SCHIP1: variants seen among roughly 807,000 people sequenced by gnomAD.
The protein encoded by SCHIP1 is schwannomin interacting protein 1.
In SCHIP1, 8 loss-of-function variants were observed where a neutral mutation model predicts 29.7. The observed-to-expected ratio is 0.27, with a 90% CI of 0.16 to 0.49. The LOEUF (loss-of-function observed/expected upper bound fraction) is 0.49. SCHIP1 is among the 20% of genes least tolerant of loss of function. The pLI is 0.99. For synonymous variants in SCHIP1, 76 were observed against 94.9 expected (o/e 0.80, Z 1.16); for missense variants, 193 against 294.6 (o/e 0.66, Z 2.52).
chr3:159,458,368 A>G, the SCHIP1 span, among the ~76,000 whole-genome samples: 2 of 152,170 alleles, frequency 1.3e-5, no homozygotes, highest in Non-Finnish European at 1.5e-5. Context: ...GTTTAACTAC[A>G]TCTCCCAAAA....
chr3:159,571,831 A>G, the SCHIP1 span, among the ~76,000 whole-genome samples: 2 of 152,290 alleles, frequency 1.3e-5, no homozygotes, highest in East Asian at 3.9e-4. Context: ...TCAGAGATTC[A>G]ACTTCTTCCT....
chr3:159,571,747 G>A, the SCHIP1 span, among the ~76,000 whole-genome samples: 1 of 152,054 alleles, frequency 6.6e-6, no homozygotes, highest in African/African-American at 2.4e-5. Flanking sequence ...CTGTGAATCT[G>A]TCTGGTCCTG....
chr3:159,732,208 A>G, the SCHIP1 span, among the ~76,000 whole-genome samples: 3 of 152,214 alleles, frequency 2.0e-5, no homozygotes, highest in East Asian at 3.8e-4. Flanking sequence ...TCAGGCTCCA[A>G]ATTTCCTCAA....
the SCHIP1 span, among the ~76,000 whole-genome samples, chr3:159,322,104 G>A: frequency 0.026 from 3,918 of 151,840 alleles, 165 homozygotes; most frequent in African/African-American, 0.089. Context: ...AGCACTGGGG[G>A]CAGAATTAGA....
the SCHIP1 span, among the ~76,000 whole-genome samples, chr3:159,327,957 G>A: frequency 6.6e-6 from 1 of 152,172 alleles, no homozygotes; most frequent in Non-Finnish European, 1.5e-5. Flanking sequence ...CTATAGCAAA[G>A]GTTCTTGGAC....
chr3:159,444,564 G>A, the SCHIP1 span, among the ~76,000 whole-genome samples: 1 of 152,118 alleles, frequency 6.6e-6, no homozygotes, highest in African/African-American at 2.4e-5. Flanking sequence ...ATTTCTCTGA[G>A]GGACCCATTC....
the SCHIP1 span, among the ~76,000 whole-genome samples, chr3:159,827,888 A>T: frequency 6.2e-3 from 941 of 152,096 alleles, 11 homozygotes; most frequent in Middle Eastern, 0.014. Context: ...AGTAAATTCA[A>T]TTTTCATAAT....
chr3:159,714,707 G>A, the SCHIP1 span, among the ~76,000 whole-genome samples: 10 of 152,338 alleles, frequency 6.6e-5, no homozygotes, highest in South Asian at 2.1e-4. Context: ...AGGGGTGCCC[G>A]CCATTGCTGA....
the SCHIP1 span, among the ~76,000 whole-genome samples, chr3:159,598,844 T>A: frequency 1.3e-5 from 2 of 152,204 alleles, no homozygotes; most frequent in African/African-American, 4.8e-5. Context: ...CTTTAGATCT[T>A]GTAATATATG....
chr3:159,626,521 A>C, the SCHIP1 span, among the ~76,000 whole-genome samples: 892 of 152,166 alleles, frequency 5.9e-3, 4 homozygotes, highest in Non-Finnish European at 7.8e-3. Context: ...TCAGTGGTCC[A>C]ACAAGGGTCG....
the SCHIP1 span, among the ~76,000 whole-genome samples, chr3:159,680,210 T>G: frequency 1.3e-5 from 2 of 151,708 alleles, no homozygotes; most frequent in African/African-American, 4.9e-5. Context: ...GTTAGAACAT[T>G]TATTAATAGT....
At position 159,866,145 on chromosome 3, in the gene SCHIP1, A is replaced by G. The variant is rs755732040; in HGVS notation, c.31-18A>G. The G allele has an allele frequency of 3.7e-6, 6 of 1,610,290 alleles. No homozygotes were observed. Among genetic ancestry groups the G allele is most frequent in the Admixed American group, 3.4e-5 (2 of 59,630 alleles). The stretch of plus-strand genomic sequence containing the variant: ...ATCTGCCCACTTATCAGCATTTTTT[A>G]TTTTCTTGAAATTTTAGGCACAGAA... On this transcript the variant is annotated intron_variant, in intron 1 of 6. Transcript: ENST00000445224.
At chr3:159,593,551 C>T in the SCHIP1 span, among the ~76,000 whole-genome samples, 1 of 152,122 alleles carries the variant, frequency 6.6e-6, no homozygotes, top group Non-Finnish European at 1.5e-5. Flanking sequence ...TCTGTAATGC[C>T]CCTTCTGGTG....
intron 1 of SCHIP1, among the ~76,000 whole-genome samples, chr3:159,863,183 T>C (rs1301734378): frequency 6.6e-6 from 1 of 152,054 alleles, no homozygotes; most frequent in Non-Finnish European, 1.5e-5. Flanking sequence ...CTACTAAAAA[T>C]ACAAAAATTA....
At chr3:159,597,970 A>C in the SCHIP1 span, among the ~76,000 whole-genome samples, 1 of 152,152 alleles carries the variant, frequency 6.6e-6, no homozygotes, top group Non-Finnish European at 1.5e-5. Flanking sequence ...TCTTCACAGG[A>C]GGGCAGAAGA....
the SCHIP1 span, among the ~76,000 whole-genome samples, chr3:159,702,575 G>C: frequency 6.6e-6 from 1 of 152,192 alleles, no homozygotes; most frequent in Non-Finnish European, 1.5e-5. Flanking sequence ...ATCTAAAGAA[G>C]TGAGCTTCAA....
intron 1 of SCHIP1, among the ~76,000 whole-genome samples, chr3:159,847,560 A>C (rs1712002049): frequency 6.6e-6 from 1 of 152,220 alleles, no homozygotes; most frequent in African/African-American, 2.4e-5. Context: ...AAGAACACAC[A>C]GAGAAACATA....
At chr3:159,480,034 A>G in the SCHIP1 span, among the ~76,000 whole-genome samples, 1 of 152,156 alleles carries the variant, frequency 6.6e-6, no homozygotes, top group Non-Finnish European at 1.5e-5. Context: ...CATGTAGACC[A>G]TTTGACTCTG....
the SCHIP1 span, among the ~76,000 whole-genome samples, chr3:159,537,404 T>C: frequency 6.6e-6 from 1 of 152,188 alleles, no homozygotes; most frequent in South Asian, 2.1e-4. Context: ...CGACTTCCCT[T>C]GATTTCCTGT....
Sources: gnomAD v4.1 joint callset for allele counts (sites outside exome capture counted in the v4.1 genomes callset) on GRCh38, gnomAD v4.1.1 for gene constraint, MANE v1.5 for transcripts, NCBI Gene and HGNC (gene_info 2026-07-23, HGNC 2026-07-21) for gene names.